Variants in SGCZ observed in about 807,000 individuals in gnomAD.
SGCZ encodes the protein zeta-sarcoglycan.
SGCZ carries 40 observed loss-of-function variants against 41.3 expected under a neutral mutation model. The ratio of observed to expected loss-of-function variants is 0.97; its 90% CI spans 0.75 to 1.26. The LOEUF is 1.26. Among genes scored for constraint, SGCZ ranks in the 50% most tolerant of loss-of-function variants. The pLI is 0.00. For synonymous variants in SGCZ, 206 were observed against 137.5 expected, an observed-to-expected ratio of 1.50 and a Z score of -3.49; for missense variants, 552 against 369.8, an observed-to-expected ratio of 1.49 and a Z score of -4.04.
chr8:14,344,932 T>C (rs1333613720), intron 2 of SGCZ, among the ~76,000 whole-genome samples: 8 of 152,088 alleles, frequency 5.3e-5, no homozygotes, highest in Non-Finnish European at 7.4e-5. Flanking sequence ...ATTTCTACGA[T>C]ACAACTAATT....
At chr8:14,190,440 T>C (rs942151972) in intron 4 of SGCZ, among the ~76,000 whole-genome samples, 1 of 151,988 alleles carries the variant, frequency 6.6e-6, no homozygotes, top group African/African-American at 2.4e-5. Context: ...TATTGATACG[T>C]CTATCAACAG....
At chr8:14,100,309 G>T (rs188046201) in intron 7 of SGCZ, among the ~76,000 whole-genome samples, 62 of 151,218 alleles carry the variant, frequency 4.1e-4, no homozygotes, top group Non-Finnish European at 6.5e-4. Flanking sequence ...ATGAATAAAA[G>T]AACATATGTA....
At chr8:14,982,892 G>A (rs10097898) in intron 1 of SGCZ, among the ~76,000 whole-genome samples, 56,247 of 151,982 alleles carry the variant, frequency 0.37, 11,386 homozygotes, top group Non-Finnish European at 0.43. Flanking sequence ...CATTTACTAT[G>A]TGCCATTTTG....
At chr8:14,346,825 G>T (rs916601538) in intron 2 of SGCZ, among the ~76,000 whole-genome samples, 2 of 151,868 alleles carry the variant, frequency 1.3e-5, no homozygotes, top group Non-Finnish European at 2.9e-5. Context: ...TTGTGTGCGC[G>T]CATGTTTGTT....
At chr8:14,987,638 C>G (rs542325693) in intron 1 of SGCZ, among the ~76,000 whole-genome samples, 3 of 152,046 alleles carry the variant, frequency 2.0e-5, no homozygotes, top group Admixed American at 2.0e-4. Flanking sequence ...TAGAAGTATT[C>G]CAAGAATCTT....
At chr8:14,961,395 T>C (rs1800962488) in intron 1 of SGCZ, among the ~76,000 whole-genome samples, 1 of 152,140 alleles carries the variant, frequency 6.6e-6, no homozygotes, top group African/African-American at 2.4e-5. Flanking sequence ...AGGAATAGAA[T>C]GTGTATTACA....
At chr8:15,097,912 G>A (rs9918868) in intron 1 of SGCZ, among the ~76,000 whole-genome samples, 10 of 122,554 alleles carry the variant, frequency 8.2e-5, no homozygotes, top group African/African-American at 3.3e-4. Context: ...ATATATATAC[G>A]TGTGTATATA....
chr8:15,216,748 G>C (rs944956553), intron 1 of SGCZ, among the ~76,000 whole-genome samples: 1 of 152,106 alleles, frequency 6.6e-6, no homozygotes, highest in Admixed American at 6.5e-5. Flanking sequence ...TTTGGTCATA[G>C]TAGCTGCAGC....
chr8:14,942,276 A>G (rs963808900), intron 1 of SGCZ, among the ~76,000 whole-genome samples: 1 of 152,148 alleles, frequency 6.6e-6, no homozygotes, highest in Non-Finnish European at 1.5e-5. Flanking sequence ...CTCCTTAAAA[A>G]TATAATTTTA....
intron 2 of SGCZ, among the ~76,000 whole-genome samples, chr8:14,525,106 C>G (rs1343211890): frequency 1.8e-5 from 2 of 110,210 alleles, no homozygotes; most frequent in East Asian, 2.9e-4. Flanking sequence ...GACACATAGA[C>G]AGATGATAGA....
At chr8:14,967,151 C>T (rs1383702491) in intron 1 of SGCZ, among the ~76,000 whole-genome samples, 1 of 152,156 alleles carries the variant, frequency 6.6e-6, no homozygotes, top group Non-Finnish European at 1.5e-5. Context: ...CAGTGTCATA[C>T]AGTAGCATAC....
intron 2 of SGCZ, among the ~76,000 whole-genome samples, chr8:14,329,815 G>C (rs889893529): frequency 1.5e-4 from 23 of 151,868 alleles, no homozygotes; most frequent in Non-Finnish European, 4.4e-5. Flanking sequence ...TTAGCTGTTT[G>C]TTGGTGTTGG....
intron 1 of SGCZ, among the ~76,000 whole-genome samples, chr8:14,692,693 T>G (rs973575397): frequency 1.3e-5 from 2 of 152,174 alleles, no homozygotes; most frequent in Admixed American, 1.3e-4. Context: ...GAACATAACC[T>G]GCTTAAAAGT....
intron 1 of SGCZ, among the ~76,000 whole-genome samples, chr8:15,227,371 T>G (rs896050289): frequency 3.9e-5 from 6 of 152,194 alleles, no homozygotes; most frequent in African/African-American, 1.2e-4. Context: ...AGAAAATATT[T>G]TGAAAGTTAA....
chr8:14,933,431 CTT>C (rs11443740), intron 1 of SGCZ, among the ~76,000 whole-genome samples: 7 of 120,402 alleles, frequency 5.8e-5, no homozygotes, highest in African/African-American at 3.3e-5. Context: ...CTTTTTTTTT[CTT>C]TTTTTTTTTT....
chr8:15,017,588 A>G (rs1277916706), intron 1 of SGCZ, among the ~76,000 whole-genome samples: 1 of 151,864 alleles, frequency 6.6e-6, no homozygotes, highest in African/African-American at 2.4e-5. Context: ...TGCAGCCTCA[A>G]CCTCCCAGGC....
At chr8:14,397,212 TAC>T (rs1432755753) in intron 2 of SGCZ, among the ~76,000 whole-genome samples, 1 of 152,178 alleles carries the variant, frequency 6.6e-6, no homozygotes, top group African/African-American at 2.4e-5. Flanking sequence ...TCTATTGAGA[TAC>T]ATTAGAAATA....
intron 1 of SGCZ, among the ~76,000 whole-genome samples, chr8:15,128,142 G>C: frequency 6.6e-6 from 1 of 151,912 alleles, no homozygotes; most frequent in East Asian, 1.9e-4. Flanking sequence ...CATTCCACAA[G>C]AGCTGGACCA....
chr8:14,340,943 A>C (rs1443581848), intron 2 of SGCZ, among the ~76,000 whole-genome samples: 6 of 152,052 alleles, frequency 3.9e-5, no homozygotes, highest in Admixed American at 3.9e-4. Context: ...CAACTCCTGA[A>C]TCCCCTCTCC....
Sources: gnomAD v4.1 joint callset for allele counts (sites outside exome capture counted in the v4.1 genomes callset) on GRCh38, gnomAD v4.1.1 for gene constraint, MANE v1.5 for transcripts, NCBI Gene and HGNC (gene_info 2026-07-23, HGNC 2026-07-21) for gene names.